The following INSL6 variants were observed in gnomAD, a reference collection of about 807,000 sequenced individuals.
INSL6 encodes the protein insulin-like peptide INSL6.
Under a neutral mutation model 9.4 loss-of-function variants are expected in INSL6, and 16 were observed. That is an observed-to-expected ratio of 1.70 (90% CI 1.15 to 2.59). INSL6 has a LOEUF of 2.59. Ranked by LOEUF, INSL6 falls within the 30% of genes most tolerant of loss-of-function variation. INSL6 has a pLI of 0.00. For missense variants in INSL6, 391 were observed against 257.3 expected, an observed-to-expected ratio of 1.52 and a Z score of -3.56; for synonymous variants, 154 against 96.9, an observed-to-expected ratio of 1.59 and a Z score of -3.46.
chr9:5,020,855 G>C, the INSL6 span, among the ~76,000 whole-genome samples: 1 of 152,136 alleles, frequency 6.6e-6, no homozygotes, highest in South Asian at 2.1e-4. Context: ...GATATGCAGG[G>C]GCTGTTGGGC....
chr9:5,146,756 T>C (rs764995145), intron 2 of INSL6, among the ~76,000 whole-genome samples: 13 of 152,172 alleles, frequency 8.5e-5, no homozygotes, highest in Non-Finnish European at 1.6e-4. Context: ...CAAAGCAATG[T>C]AGGCAGTTGT....
chr9:5,127,738 A>AGAT (rs1484516979), intron 3 of INSL6: 3 of 232,490 alleles, frequency 1.3e-5, no homozygotes, highest in Non-Finnish European at 2.6e-5. Flanking sequence ...GCCATAAAAT[A>AGAT]GATTAGATTG....
At chr9:5,157,666 A>C (rs1469062758) in intron 2 of INSL6, among the ~76,000 whole-genome samples, 1 of 152,230 alleles carries the variant, frequency 6.6e-6, no homozygotes, top group Non-Finnish European at 1.5e-5. Context: ...TAATAAGCTA[A>C]AATTTAAGTG....
chr9:5,021,575 T>G, the INSL6 span, among the ~76,000 whole-genome samples: 26 of 152,358 alleles, frequency 1.7e-4, no homozygotes, highest in South Asian at 4.4e-3. Context: ...GCAGTCCTTC[T>G]TTGTGTATGA....
At chr9:5,115,303 T>C in the INSL6 span, among the ~76,000 whole-genome samples, 1 of 151,986 alleles carries the variant, frequency 6.6e-6, no homozygotes, top group Non-Finnish European at 1.5e-5. Flanking sequence ...AACAAACATA[T>C]GAAAAAAAGC....
the INSL6 span, among the ~76,000 whole-genome samples, chr9:5,033,891 T>C: frequency 6.6e-6 from 1 of 152,094 alleles, no homozygotes; most frequent in Non-Finnish European, 1.5e-5. Flanking sequence ...CCCATAACAA[T>C]ATTAACCTTA....
At chr9:5,090,353 A>G in the INSL6 span, 8 of 915,434 alleles carry the variant, frequency 8.7e-6, no homozygotes, top group Non-Finnish European at 1.1e-5. Context: ...TAGATTTCAT[A>G]TATGTTTAAG....
chr9:5,020,710 C>T, the INSL6 span, among the ~76,000 whole-genome samples: 2 of 152,178 alleles, frequency 1.3e-5, no homozygotes, highest in Non-Finnish European at 2.9e-5. Flanking sequence ...CCTCAGGGCA[C>T]ATACCAATAT....
At chr9:5,082,570 C>T in the INSL6 span, among the ~76,000 whole-genome samples, 1 of 152,248 alleles carries the variant, frequency 6.6e-6, no homozygotes, top group Non-Finnish European at 1.5e-5. Context: ...TAATCCTCCC[C>T]AGCACAGACC....
the INSL6 span, among the ~76,000 whole-genome samples, chr9:5,075,865 T>C: frequency 1.3e-5 from 2 of 152,124 alleles, no homozygotes. Flanking sequence ...GAAAAACTTA[T>C]GGAAAGGATT....
intron 3 of INSL6, chr9:5,126,582 C>T (rs747311945): frequency 1.1e-6 from 1 of 945,286 alleles, no homozygotes; most frequent in Non-Finnish European, 1.6e-6. Flanking sequence ...TGGAACAAGG[C>T]ATGGTTATGA....
chr9:5,013,791 T>G, the INSL6 span, among the ~76,000 whole-genome samples: 1 of 152,326 alleles, frequency 6.6e-6, no homozygotes, highest in East Asian at 1.9e-4. Context: ...AAATTTATTT[T>G]GTACTTAGAT....
the INSL6 span, chr9:5,055,637 C>A: frequency 6.7e-7 from 1 of 1,482,398 alleles, no homozygotes; most frequent in Non-Finnish European, 9.2e-7. Flanking sequence ...TAAATTCTAC[C>A]CGTTTTTAAT....
the INSL6 span, among the ~76,000 whole-genome samples, chr9:5,117,891 T>C: frequency 2.0e-5 from 3 of 152,230 alleles, no homozygotes; most frequent in Non-Finnish European, 4.4e-5. Context: ...TATGAGGATC[T>C]AGGCCACTGG....
At chr9:5,054,559 C>G in the INSL6 span, 9 of 1,548,402 alleles carry the variant, frequency 5.8e-6, no homozygotes, top group Non-Finnish European at 3.5e-6. This position sits in a 1 kb window ranked among gnomAD's most constrained non-coding sequence, Gnocchi z 4.9. Flanking sequence ...TTTTTTATCC[C>G]TAGCTACAAG....
At chr9:5,119,050 CATTATT>C (rs1012203836), downstream of INSL6, among the ~76,000 whole-genome samples, 448 of 152,198 alleles carry the variant, frequency 2.9e-3, 4 homozygotes, top group African/African-American at 9.3e-3. Context: ...ATTATTAATA[CATTATT>C]ATTAACATAT....
At chr9:5,180,646 C>T (rs1825431362) in intron 1 of INSL6, among the ~76,000 whole-genome samples, 1 of 152,136 alleles carries the variant, frequency 6.6e-6, no homozygotes, top group Non-Finnish European at 1.5e-5. Context: ...GGAAAAACTC[C>T]ACCCTGGTAA....
the INSL6 span, chr9:5,078,219 T>G: frequency 8.9e-7 from 1 of 1,121,652 alleles, no homozygotes; most frequent in South Asian, 1.8e-5. Context: ...TTTTTCTTCT[T>G]TAAATCTGTT....
chr9:5,090,753 T>C, the INSL6 span: 1 of 1,603,252 alleles, frequency 6.2e-7, no homozygotes, highest in Non-Finnish European at 8.5e-7. Context: ...TGGAGTATCT[T>C]GGTACAAAAA....
Sources: gnomAD v4.1 joint callset for allele counts (sites outside exome capture counted in the v4.1 genomes callset) on GRCh38, gnomAD v4.1.1 for gene constraint, Gnocchi (gnomAD v3.1) non-coding constraint, MANE v1.5 for transcripts, NCBI Gene and HGNC (gene_info 2026-07-23, HGNC 2026-07-21) for gene names.